Variants in SMAD3 observed in about 807,000 individuals in gnomAD.
SMAD3 encodes MAD homolog 3.
Under a neutral mutation model 51.8 loss-of-function variants are expected in SMAD3, and 12 were observed. The ratio of observed to expected loss-of-function variants is 0.23; its 90% confidence interval spans 0.15 to 0.38. SMAD3 has a LOEUF of 0.38. Ranked by LOEUF, SMAD3 falls within the 10% of genes least tolerant of loss-of-function variation. SMAD3 has a pLI of 1.00. For missense variants in SMAD3, 294 were observed against 565.6 expected, an observed-to-expected ratio of 0.52 and a Z score of 4.87; for synonymous variants, 238 against 227.7, an observed-to-expected ratio of 1.05 and a Z score of -0.41.
intron 1 of SMAD3, among the ~76,000 whole-genome samples, chr15:67,090,158 C>T (rs1022352844): frequency 2.6e-5 from 4 of 152,186 alleles, no homozygotes; most frequent in Non-Finnish European, 5.9e-5. Context: ...GTTCACCTTA[C>T]TCAGGGTCAG....
chr15:67,158,487 T>A (rs921085694), intron 1 of SMAD3, among the ~76,000 whole-genome samples: 3 of 152,148 alleles, frequency 2.0e-5, no homozygotes, highest in African/African-American at 7.2e-5. Flanking sequence ...TTTTAGAAAA[T>A]ACTGCCAAGC....
chr15:67,169,310 TC>T (rs1246442254), intron 4 of SMAD3, among the ~76,000 whole-genome samples: 1 of 151,986 alleles, frequency 6.6e-6, no homozygotes, highest in African/African-American at 2.4e-5. Context: ...GAAGGAGAAA[TC>T]CGTGGTTCTT....
intron 1 of SMAD3, among the ~76,000 whole-genome samples, chr15:67,079,590 C>T (rs555921364): frequency 1.2e-4 from 19 of 152,218 alleles, no homozygotes; most frequent in Admixed American, 3.3e-4. Flanking sequence ...GATCCTGGTA[C>T]GTGTTGCATG....
At chr15:67,070,723 G>A (rs1420813171) in intron 1 of SMAD3, among the ~76,000 whole-genome samples, 6 of 150,896 alleles carry the variant, frequency 4.0e-5, no homozygotes, top group African/African-American at 1.5e-4. Context: ...TTTAAATATT[G>A]TAGAATTCAC....
chr15:67,090,468 A>G (rs1238608178), intron 1 of SMAD3, among the ~76,000 whole-genome samples: 1 of 152,064 alleles, frequency 6.6e-6, no homozygotes, highest in Non-Finnish European at 1.5e-5. Context: ...GCTGGGGGAA[A>G]CTGAGCTCCT....
chr15:67,073,367 G>A (rs1595885431), intron 1 of SMAD3, among the ~76,000 whole-genome samples: 1 of 152,252 alleles, frequency 6.6e-6, no homozygotes, highest in Non-Finnish European at 1.5e-5. Flanking sequence ...TGAAAACACA[G>A]TAGAAGCCTA....
At chr15:67,170,226 A>G (rs1400012388) in intron 4 of SMAD3, among the ~76,000 whole-genome samples, 1 of 152,198 alleles carries the variant, frequency 6.6e-6, no homozygotes, top group African/African-American at 2.4e-5. Context: ...TAAAGAAAAA[A>G]TGTGTCACTT....
At chr15:67,151,804 T>G (rs1160269990) in intron 1 of SMAD3, among the ~76,000 whole-genome samples, 1 of 152,202 alleles carries the variant, frequency 6.6e-6, no homozygotes, top group Non-Finnish European at 1.5e-5. Context: ...TGTCAAGCAT[T>G]TATCATTTCT....
At chr15:67,160,239 A>G (rs1962389714) in intron 1 of SMAD3, among the ~76,000 whole-genome samples, 1 of 152,254 alleles carries the variant, frequency 6.6e-6, no homozygotes, top group Admixed American at 6.5e-5. Flanking sequence ...AAATAGTTGT[A>G]CCATTTTACA....
chr15:67,131,048 C>T (rs1961514037), intron 1 of SMAD3, among the ~76,000 whole-genome samples: 1 of 152,208 alleles, frequency 6.6e-6, no homozygotes, highest in African/African-American at 2.4e-5. Flanking sequence ...TTTGGGGAGG[C>T]TGGAATTGAG....
At position 67,066,171 on chromosome 15, in the gene SMAD3, C is replaced by T. The variant is rs863223749; in HGVS notation, c.17C>T (p.Pro6Leu). 1 of 1,604,462 alleles carries T rather than the reference C, an allele frequency of 6.2e-7. No homozygotes were observed. The highest frequency in any genetic ancestry group is 8.5e-7 in the Non-Finnish European group (1 of 1,176,172). The change falls in exon 1 of 9, where the codon CCT becomes CTT. Residue 6 changes from proline to leucine, a missense_variant. Physicochemically the swap from Pro to Leu is moderately conservative, Grantham distance 98. Transcript: ENST00000327367. ...TCCCCAGCCATGTCGTCCATCCTGC[C>T]TTTCACTCCCCCGATCGTGAAGCGC... MSSIL[P>L]FTPPIVKRLL... is the part of the protein sequence containing the mutation.
intron 1 of SMAD3, chr15:67,098,556 T>C: frequency 2.8e-6 from 1 of 356,410 alleles, no homozygotes; most frequent in Non-Finnish European, 5.3e-6. Flanking sequence ...CCCGGTAGCC[T>C]GTCACTCCCT....
At chr15:67,066,528 G>A (rs570552634) in intron 1 of SMAD3, among the ~76,000 whole-genome samples, 168 bp downstream of exon 1, 3 of 152,266 alleles carry the variant, frequency 2.0e-5, no homozygotes, top group Admixed American at 1.3e-4. Context: ...AAGGGGGTGG[G>A]GGGACCCCAA....
At chr15:67,166,251 G>T (rs1206251394) in intron 3 of SMAD3, 2 of 857,538 alleles carry the variant, frequency 2.3e-6, no homozygotes, top group Non-Finnish European at 2.9e-6. Context: ...GTCAGGGTCT[G>T]GGGGAGGTTT....
intron 5 of SMAD3, among the ~76,000 whole-genome samples, chr15:67,173,259 G>A (rs1036471140): frequency 2.6e-5 from 4 of 152,116 alleles, no homozygotes; most frequent in African/African-American, 7.2e-5. Context: ...CCTGGGGGCG[G>A]GGAGGGGGGC....
chr15:67,153,723 C>A (rs1962209365), intron 1 of SMAD3, among the ~76,000 whole-genome samples: 1 of 152,200 alleles, frequency 6.6e-6, no homozygotes, highest in African/African-American at 2.4e-5. Flanking sequence ...TGTCTCTACA[C>A]AGGACAGCCC....
chr15:67,157,757 G>A (rs1031831755), intron 1 of SMAD3, among the ~76,000 whole-genome samples: 8 of 152,140 alleles, frequency 5.3e-5, no homozygotes, highest in Admixed American at 2.0e-4. Context: ...CTTCACCATC[G>A]GCTTTGGGCT....
intron 5 of SMAD3, among the ~76,000 whole-genome samples, chr15:67,175,897 A>T (rs996554485): frequency 6.6e-6 from 1 of 152,006 alleles, no homozygotes; most frequent in African/African-American, 2.4e-5. Context: ...TCTTCCCCAC[A>T]CTTGTGAAAT....
chr15:67,096,104 C>T (rs552580998), intron 1 of SMAD3, among the ~76,000 whole-genome samples: 2 of 152,272 alleles, frequency 1.3e-5, no homozygotes, highest in East Asian at 3.9e-4. Context: ...AGAAAGAAGG[C>T]GATGACATTC....
Sources: allele counts gnomAD v4.1 joint callset (sites outside exome capture counted in the v4.1 genomes callset), GRCh38; gene constraint gnomAD v4.1.1; transcripts MANE v1.5; gene names NCBI Gene and HGNC (gene_info 2026-07-23, HGNC 2026-07-21).